The following PIGN variants were observed in gnomAD, a reference collection of about 807,000 sequenced individuals.
PIGN encodes the protein GPI ethanolamine phosphate transferase 1.
PIGN carries 117 observed loss-of-function variants against 125.4 expected under a neutral mutation model. The ratio of observed to expected loss-of-function variants is 0.93; its 90% confidence interval spans 0.80 to 1.09. The LOEUF (loss-of-function observed/expected upper bound fraction) is 1.09. Among genes scored for constraint, PIGN ranks in the 50% least tolerant of loss-of-function variants. The probability of loss-of-function intolerance (pLI) is 0.00; values close to 1 mark genes in which losing one functional copy is unlikely to be tolerated. For synonymous variants in PIGN, 392 were observed against 377.8 expected, an observed-to-expected ratio of 1.04 and a Z score of -0.44; for missense variants, 1,075 against 1,094.9, an observed-to-expected ratio of 0.98 and a Z score of 0.26.
rs1209567866 is a variant in PIGN at position 62,145,805 on chromosome 18, T to C, written c.922+104A>G. The C allele has an allele frequency of 4.7e-6, 3 of 640,674 alleles. No individual in the cohort carries two copies. In the African/African-American group the frequency reaches 5.5e-5, roughly 12 times the overall value. 39.7% of individuals were successfully genotyped at this position (640,674 alleles called of 1,614,324 possible). On this transcript the variant is annotated intron_variant, in intron 10 of 30. Transcript: ENST00000640252. Reference sequence around the variant, plus strand: ...AATAGTAATGGCACAAATGTCAAAATGAGGGATTTACAACTAAAATTTGAA... The same window carrying C: ...AATAGTAATGGCACAAATGTCAAAACGAGGGATTTACAACTAAAATTTGAA...
intron 17 of PIGN, among the ~76,000 whole-genome samples, chr18:62,108,597 A>AT (rs5825477): frequency 0.17 from 25,339 of 149,022 alleles, 2,866 homozygotes; most frequent in Middle Eastern, 0.29. Context: ...TTTTAAGTTA[A>AT]TTTTTTTTTT....
intron 10 of PIGN, among the ~76,000 whole-genome samples, chr18:62,144,304 A>C (rs2036241171): frequency 6.6e-6 from 1 of 152,228 alleles, no homozygotes; most frequent in Non-Finnish European, 1.5e-5. Flanking sequence ...GAGCAGTCAG[A>C]AAGGTAGCTC....
chr18:62,186,702 T>C (rs1006764476), intron 1 of PIGN, 142 bp downstream of exon 1: 3 of 152,288 alleles, frequency 2.0e-5, no homozygotes, highest in South Asian at 2.1e-4. Context: ...GCCTGGGCAC[T>C]TGCTATCCAT....
rs554268646 is a variant in PIGN, at chr18:62,080,628, T to A, written c.2576+2045A>T. On this transcript the variant is annotated intron_variant, in intron 28 of 30. Transcript: ENST00000640252. ...TCCTTTTCCCTTGTTCCTGTCTGGA[T>A]GGCAGATGAGATACGATGGCAGATG... Among the ~76,000 whole-genome samples the A allele has an allele frequency of 2.0e-4, 30 of 152,252 alleles. 1 individual carries two copies. Among genetic ancestry groups the A allele is most frequent in the African/African-American group, 5.8e-4 (24 of 41,552 alleles).
intron 5 of PIGN, 54 bp downstream of exon 5, chr18:62,157,633 T>G (rs538456880): frequency 4.7e-6 from 7 of 1,502,046 alleles, no homozygotes; most frequent in Admixed American, 3.7e-5. Context: ...GGTAAAGGAC[T>G]AATATTTACT....
At chr18:62,035,806 T>C (rs1299471470) in intron 23 of PIGN, among the ~76,000 whole-genome samples, 1 of 152,070 alleles carries the variant, frequency 6.6e-6, no homozygotes, top group Non-Finnish European at 1.5e-5. Context: ...CAAGTACTTA[T>C]ATTTCTAATT....
intron 14 of PIGN, chr18:62,137,205 G>T: frequency 2.5e-6 from 1 of 400,180 alleles, no homozygotes; most frequent in South Asian, 1.3e-4. Context: ...GCTTGCACTT[G>T]AACATCAGAC....
chr18:62,132,888 A>T (rs1366428647), intron 14 of PIGN, among the ~76,000 whole-genome samples: 1 of 152,100 alleles, frequency 6.6e-6, no homozygotes, highest in East Asian at 1.9e-4. Flanking sequence ...TCTTAGTACA[A>T]ATCTTTCTCC....
intron 7 of PIGN, among the ~76,000 whole-genome samples, chr18:62,151,033 T>C (rs2036518810): frequency 6.6e-6 from 1 of 152,136 alleles, no homozygotes; most frequent in African/African-American, 2.4e-5. Flanking sequence ...GAGTTTGTTT[T>C]GCAAGATGAA....
chr18:62,088,666 T>G (rs773334317), intron 25 of PIGN, 90 bp downstream of exon 25: 1 of 746,560 alleles, frequency 1.3e-6, no homozygotes, highest in Non-Finnish European at 2.4e-6. Context: ...AACACCACTA[T>G]TAAGTGATGG....
Position 62,045,987 on chromosome 18 carries a change from A to C in PIGN, c.2673-8T>G, listed in dbSNP as rs1162181132. 6.2e-7 allele frequency: 1 copy of C among 1,610,764 alleles called. No homozygotes were observed. Among genetic ancestry groups the C allele is most frequent in the Admixed American group, 1.7e-5 (1 of 59,586 alleles). ...ATCACATAGTGGCTGATGCTGCAAAAGGAGAAAAAGATGTTACAGGCAGAG... is the reference window on the plus strand; with the variant it reads ...ATCACATAGTGGCTGATGCTGCAAACGGAGAAAAAGATGTTACAGGCAGAG... On this transcript the variant is annotated splice_region_variant and splice_polypyrimidine_tract_variant and intron_variant, in intron 30 of 30. Transcript: ENST00000640252.
At position 62,041,906 on chromosome 18, in the gene PIGN, T is replaced by C. The variant is rs972562602; in HGVS notation, c.*3950A>G. 6.6e-6 allele frequency: 1 copy of C among 152,156 alleles called. No homozygotes were observed. The highest frequency in any genetic ancestry group is 1.5e-5 in the Non-Finnish European group (1 of 68,040). The allele number at this position is 152,156 out of a possible 1,614,324, so 9.4% of individuals were successfully genotyped here. A position where few individuals can be genotyped will look rare whatever the true frequency, so the allele number is the denominator to read the frequency against. On this transcript the variant is annotated 3_prime_UTR_variant, in exon 31 of 31. Transcript: ENST00000640252. ...CTGCTGTCAAGCTAGTGGAAACTTT[T>C]GGCATAATGCTATCTTCCTCCCTTC... is the stretch of plus-strand genomic sequence containing the variant.
chr18:62,030,359 G>A (rs1322417836), intron 23 of PIGN, among the ~76,000 whole-genome samples: 2 of 152,184 alleles, frequency 1.3e-5, no homozygotes, highest in Non-Finnish European at 2.9e-5. Flanking sequence ...TCAGGTCATG[G>A]ATGTCACAGA....
chr18:62,158,648 T>G (rs926675823), intron 4 of PIGN, among the ~76,000 whole-genome samples: 1 of 152,202 alleles, frequency 6.6e-6, no homozygotes, highest in Non-Finnish European at 1.5e-5. Flanking sequence ...AACAATAACA[T>G]TTTTCAAGAT....
At chr18:62,152,873 T>A (rs1284484737) in intron 7 of PIGN, among the ~76,000 whole-genome samples, 425 of 136,142 alleles carry the variant, frequency 3.1e-3, no homozygotes, top group African/African-American at 9.9e-3. Flanking sequence ...TATATATTTT[T>A]TTTTTTAACC....
rs377135002 is a variant in PIGN, at chr18:62,182,149, T to G, written c.-236+4695A>C. Among the ~76,000 whole-genome samples the G allele has an allele frequency of 2.0e-5, 3 of 152,334 alleles. No individual in the cohort carries two copies. In the South Asian group the frequency reaches 6.2e-4, roughly 32 times the overall value. ...TCTGATCACTAAATTTTGGAGTTAC[T>G]CAAAACTTGGTCCTCAGCTGTCTTT... is the stretch of plus-strand genomic sequence containing the variant. On this transcript the variant is annotated intron_variant, in intron 1 of 30. Coordinates refer to ENST00000640252, the MANE Select transcript of PIGN (RefSeq NM_176787.5).
Position 62,049,217 on chromosome 18 carries a change from C to T in PIGN, c.2673-3238G>A, listed in dbSNP as rs146440824. Among the ~76,000 whole-genome samples the T allele has an allele frequency of 6.2e-3, 944 of 152,278 alleles. 6 individuals carry two copies. The highest frequency in any genetic ancestry group is 0.021 in the African/African-American group (857 of 41,552). ...ATTTATAGTCCCTTGGGTATATACT[C>T]AGTAATGGGATGGCTGGGTCAAATG... On this transcript the variant is annotated intron_variant, in intron 30 of 30. Transcript: ENST00000640252.
In PIGN at chr18:62,137,949, G is replaced by A. The variant is rs62097169; in HGVS notation, c.1172+294C>T. ...AGCCAAGTGCCAGGAAGTCACACTC[G>A]TTCCTGCCCCCACACCTTCCTAGCC... On this transcript the variant is annotated intron_variant, in intron 14 of 30. Coordinates refer to ENST00000640252, the MANE Select transcript of PIGN (RefSeq NM_176787.5). 3.7e-5 allele frequency: 11 copies of A among 293,456 alleles called. No individual in the cohort carries two copies. The Admixed American group carries it at 3.8e-4, about 10-fold the overall frequency. The allele number at this position is 293,456 out of a possible 1,614,324, so 18.2% of individuals were successfully genotyped here.
chr18:62,149,385 T>C (rs2036450156), intron 7 of PIGN, among the ~76,000 whole-genome samples: 1 of 152,176 alleles, frequency 6.6e-6, no homozygotes, highest in Admixed American at 6.5e-5. Flanking sequence ...CAATAAGCTC[T>C]TTAAGAGAAA....
Sources: allele counts gnomAD v4.1 joint callset (sites outside exome capture counted in the v4.1 genomes callset), GRCh38; gene constraint gnomAD v4.1.1; transcripts MANE v1.5; gene names NCBI Gene and HGNC (gene_info 2026-07-23, HGNC 2026-07-21).